The following MTMR7 variants were observed in gnomAD, a reference collection of about 807,000 sequenced individuals.
The protein encoded by MTMR7 is myotubularin related protein 7.
MTMR7 carries 76 observed loss-of-function variants against 81.2 expected under a neutral mutation model. That is an observed-to-expected ratio of 0.94 (90% CI 0.78 to 1.13). The LOEUF is 1.13. Ranked by LOEUF, MTMR7 falls within the 50% of genes most tolerant of loss-of-function variation. The pLI is 0.00. For synonymous variants in MTMR7, 372 were observed against 289.8 expected (o/e 1.28, Z -2.88); for missense variants, 1,044 against 820.0 (o/e 1.27, Z -3.34).
intron 1 of MTMR7, among the ~76,000 whole-genome samples, chr8:17,398,123 C>T (rs2150581841): frequency 6.6e-6 from 1 of 152,248 alleles, no homozygotes; most frequent in South Asian, 2.1e-4. Context: ...AAATACCTAA[C>T]TCTTCAATGC....
At chr8:17,389,070 C>T (rs934542611) in intron 1 of MTMR7, among the ~76,000 whole-genome samples, 1 of 152,146 alleles carries the variant, frequency 6.6e-6, no homozygotes, top group Non-Finnish European at 1.5e-5. Flanking sequence ...TGCCACAGTG[C>T]ACTCTGAGGT....
At chr8:17,373,084 A>C (rs1274702054) in intron 2 of MTMR7, 34 bp downstream of exon 2, 2 of 1,609,952 alleles carry the variant, frequency 1.2e-6, no homozygotes, top group Non-Finnish European at 1.7e-6. Flanking sequence ...CAAACAACGC[A>C]AAACAAGGAA....
At position 17,311,573 on chromosome 8, in the gene MTMR7, G is replaced by A; in HGVS notation, c.1039C>T (p.Gln347Ter). 1.2e-6 allele frequency: 2 copies of A among 1,614,110 alleles called. No homozygotes were observed. The highest frequency in any genetic ancestry group is 1.1e-5 in the South Asian group (1 of 91,074). Residue 347 changes from glutamine (Q) to a stop codon, truncating the protein, a stop_gained, in exon 9 of 14, where the codon CAG becomes TAG. Coordinates refer to ENST00000180173, the MANE Select transcript of MTMR7 (RefSeq NM_004686.5). LOFTEE classifies it high-confidence loss of function. ...AGCAGGCTTGCCACCGAGCACACCT[G>A]AGCGGTCCTGTCCCAGCCATCAGAA... The part of the protein sequence containing the change: ...HCSDGWDRTA[Q>*]VCSVASLLLD...
At chr8:17,389,505 G>A (rs1387451122) in intron 1 of MTMR7, among the ~76,000 whole-genome samples, 2 of 152,178 alleles carry the variant, frequency 1.3e-5, no homozygotes, top group Non-Finnish European at 2.9e-5. Flanking sequence ...TCGGTGGCAG[G>A]ATCCTTGAAG....
At chr8:17,303,882 A>G (rs1157870683) in intron 12 of MTMR7, among the ~76,000 whole-genome samples, 2 of 152,184 alleles carry the variant, frequency 1.3e-5, no homozygotes, top group South Asian at 2.1e-4. Context: ...TACAATCTTA[A>G]TGTAATTTCC....
In MTMR7 at chr8:17,408,251, T is replaced by C. The variant is rs1347791897; in HGVS notation, c.24+5018A>G. 5.2e-5 allele frequency among the ~76,000 whole-genome samples: 6 copies of C among 115,228 alleles called. 2 individuals carry two copies. The highest frequency in any genetic ancestry group is 3.4e-4 in the Admixed American group (3 of 8,836). 75.6% of individuals were successfully genotyped at this position (115,228 alleles called of 152,430 possible). Reference sequence around the variant, plus strand: ...TAAAAATACAAAAATTAGCCGGGCGTAGTGGCGGGCGCCTGTAGTCCCACC... The same window carrying C: ...TAAAAATACAAAAATTAGCCGGGCGCAGTGGCGGGCGCCTGTAGTCCCACC... On this transcript the variant is annotated intron_variant, in intron 1 of 13. Transcript: ENST00000180173.
chr8:17,361,888 T>C (rs981535987), intron 3 of MTMR7, among the ~76,000 whole-genome samples: 1 of 152,240 alleles, frequency 6.6e-6, no homozygotes, highest in African/African-American at 2.4e-5. Context: ...TGCACAGCGC[T>C]GTGCTCGTGG....
rs759594265 is a variant in MTMR7 at position 17,300,183 on chromosome 8, C to T, written c.1662G>A (p.Lys554=). The change falls in exon 14 of 14, where the codon AAG becomes AAA. Residue 554 remains lysine (K), a synonymous_variant. Coordinates refer to ENST00000180173, the MANE Select transcript of MTMR7 (RefSeq NM_004686.5). The part of the protein sequence containing the change: ...KIQKVQLNCT[K]VKSKQSEPSK... ...TGGGCTCACTTTGCTTACTCTTCAC[C>T]TTAGTGCAATTTAACTGGACCTTTT... 2.5e-6 allele frequency: 4 copies of T among 1,613,648 alleles called. No homozygotes were observed. The highest frequency in any genetic ancestry group is 3.4e-6 in the Non-Finnish European group (4 of 1,179,702).
At chr8:17,336,034 C>A (rs1008510620) in intron 6 of MTMR7, among the ~76,000 whole-genome samples, 1 of 152,162 alleles carries the variant, frequency 6.6e-6, no homozygotes, top group Non-Finnish European at 1.5e-5. Context: ...GAAAGCTCGG[C>A]AGGGTTCCAA....
chr8:17,358,409 C>T (rs900921456), intron 4 of MTMR7, among the ~76,000 whole-genome samples: 12 of 152,088 alleles, frequency 7.9e-5, no homozygotes, highest in Non-Finnish European at 1.0e-4. Context: ...ATAATGCAAA[C>T]ATGTTAGGAC....
chr8:17,300,466 A>C (rs1817041534), intron 13 of MTMR7, among the ~76,000 whole-genome samples: 1 of 152,162 alleles, frequency 6.6e-6, no homozygotes, highest in Non-Finnish European at 1.5e-5. Context: ...TAAACAATAT[A>C]GCACAGTTGA....
rs144760551 is a variant in MTMR7 at position 17,376,005 on chromosome 8, T to G, written c.25-2765A>C. ...TGTATACACTGCCACTGTGCAAACA[T>G]TAACGCACTATTTTAAAACATTTTC... is the stretch of plus-strand genomic sequence containing the variant. On this transcript the variant is annotated intron_variant, in intron 1 of 13. Transcript: ENST00000180173. Among the ~76,000 whole-genome samples, 9 of 152,280 alleles carry G rather than the reference T, an allele frequency of 5.9e-5. No individual in the cohort carries two copies. The East Asian group carries it at 1.7e-3, about 29-fold the overall frequency.
intron 1 of MTMR7, among the ~76,000 whole-genome samples, chr8:17,402,117 A>C (rs914864763): frequency 2.0e-5 from 3 of 152,134 alleles, no homozygotes; most frequent in African/African-American, 7.2e-5. Context: ...TTTTCTGAGC[A>C]CATAGTAGGT....
chr8:17,383,043 C>G (rs1224566225), intron 1 of MTMR7, among the ~76,000 whole-genome samples: 1 of 151,498 alleles, frequency 6.6e-6, no homozygotes, highest in Non-Finnish European at 1.5e-5. Flanking sequence ...GCCGGGATCC[C>G]AGGGCCTGTT....
chr8:17,363,784 G>T (rs1241176650), intron 3 of MTMR7, among the ~76,000 whole-genome samples: 1 of 151,780 alleles, frequency 6.6e-6, no homozygotes, highest in Non-Finnish European at 1.5e-5. Context: ...ATCGAAAAGC[G>T]CCACTAGCAC....
At chr8:17,405,649 T>C (rs11785121) in intron 1 of MTMR7, among the ~76,000 whole-genome samples, 24,404 of 152,048 alleles carry the variant, frequency 0.16, 2,333 homozygotes, top group East Asian at 0.34. Flanking sequence ...CTTGAAAAGA[T>C]AGTATAGAAC....
rs200168815 is a variant in MTMR7, at chr8:17,341,389, C to T, written c.706G>A (p.Val236Ile). ...TTAGGCCGGGTGTCAACGACATAAACGAAGTCACTTCCTGGATTGGCTTTC... is the reference window on the plus strand; with the variant it reads ...TTAGGCCGGGTGTCAACGACATAAATGAAGTCACTTCCTGGATTGGCTTTC... ...IRKANPGSDF[V>I]YVVDTRPKLN... Residue 236 changes from valine (V) to isoleucine (I), a missense_variant, in exon 6 of 14, where the codon GTT becomes ATT. Physicochemically the swap from Val to Ile is conservative, Grantham distance 29. Coordinates refer to ENST00000180173, the MANE Select transcript of MTMR7 (RefSeq NM_004686.5). The T allele has an allele frequency of 1.9e-5, 31 of 1,614,186 alleles. No homozygotes were observed. Among genetic ancestry groups the T allele is most frequent in the South Asian group, 1.6e-4 (15 of 91,084 alleles).
At chr8:17,317,695 C>A (rs545723730) in intron 7 of MTMR7, among the ~76,000 whole-genome samples, 14 of 152,268 alleles carry the variant, frequency 9.2e-5, no homozygotes, top group Admixed American at 7.2e-4. Context: ...GGCTACTACT[C>A]GTTTCAGAGA....
chr8:17,319,211 C>A (rs373956249), intron 7 of MTMR7, among the ~76,000 whole-genome samples: 2 of 152,218 alleles, frequency 1.3e-5, no homozygotes, highest in African/African-American at 4.8e-5. Context: ...AACATGGTAA[C>A]CTGGGCTAGT....
Sources: gnomAD v4.1 joint callset for allele counts (sites outside exome capture counted in the v4.1 genomes callset) on GRCh38, gnomAD v4.1.1 for gene constraint, MANE v1.5 for transcripts, NCBI Gene and HGNC (gene_info 2026-07-23, HGNC 2026-07-21) for gene names.